PHRF1: variants seen among roughly 807,000 people sequenced by gnomAD.
PHRF1 encodes PHD and ring finger domains 1.
Under a neutral mutation model 128.9 loss-of-function variants are expected in PHRF1, and 53 were observed. The ratio of observed to expected loss-of-function variants is 0.41; its 90% CI spans 0.33 to 0.52. The LOEUF is 0.52. Ranked by LOEUF, PHRF1 falls within the 20% of genes least tolerant of loss-of-function variation. PHRF1 has a pLI of 0.21. For missense variants in PHRF1, 2,503 were observed against 2,284.5 expected, an observed-to-expected ratio of 1.10 and a Z score of -1.95; for synonymous variants, 1,178 against 980.6, an observed-to-expected ratio of 1.20 and a Z score of -3.76.
Position 607,524 on chromosome 11 carries a change from G to A in PHRF1, c.2068G>A (p.Gly690Ser), listed in dbSNP as rs757963125. ...PRIPKIRRDD[G>S]GGRRDAAPAH... is the part of the protein sequence containing the mutation. ...GATACCAAAGATCAGGAGAGATGAC[G>A]GTGGTGGCAGACGGGATGCGGCCCC... The change falls in exon 14 of 18, where the codon GGT becomes AGT. Residue 690 changes from glycine (G) to serine (S), a missense_variant. Coordinates refer to ENST00000264555, the MANE Select transcript of PHRF1 (RefSeq NM_001286581.2). 46 of 1,612,626 alleles carry A rather than the reference G, an allele frequency of 2.9e-5. No individual in the cohort carries two copies. The Admixed American group carries it at 4.5e-4, about 16-fold the overall frequency.
Position 582,374 on chromosome 11 carries a change from C to T in PHRF1, c.214+293C>T, listed in dbSNP as rs372698996. Among the ~76,000 whole-genome samples, 15 of 151,812 alleles carry T rather than the reference C, an allele frequency of 9.9e-5. No homozygotes were observed. The East Asian group carries it at 2.5e-3, about 25-fold the overall frequency. On this transcript the variant is annotated intron_variant, in intron 3 of 17. Coordinates refer to ENST00000264555, the MANE Select transcript of PHRF1 (RefSeq NM_001286581.2). ...CTGCCTCCCGGGTTCAAGTGATTCT[C>T]CTGGCTCAGCCTCGTGAGTAGCTGG...
At chr11:581,384 G>A in intron 1 of PHRF1, 108 bp from the exon 2 acceptor site, 8 of 843,134 alleles carry the variant, frequency 9.5e-6, no homozygotes, top group African/African-American at 1.7e-5. Context: ...GTGCTGTGGC[G>A]GTGGATGTGA....
At chr11:586,569 T>G (rs1179148284) in intron 3 of PHRF1, among the ~76,000 whole-genome samples, 2 of 152,204 alleles carry the variant, frequency 1.3e-5, no homozygotes, top group Non-Finnish European at 2.9e-5. Flanking sequence ...TGTGAACTTG[T>G]GTTCTGTTTA....
chr11:607,321 C>T lies in PHRF1; in HGVS notation c.1865C>T (p.Pro622Leu). The change falls in exon 14 of 18, where the codon CCT becomes CTT. Residue 622 changes from proline (P) to leucine (L), a missense_variant. Pro to Leu is a moderately conservative substitution (Grantham distance 98). Transcript: ENST00000264555. Reference protein sequence around the residue: ...QARNLSNGSVPGFRQSHSPWF... With the variant: ...QARNLSNGSVLGFRQSHSPWF... ...CGGAACTTGTCAAATGGGAGTGTGCCTGGCTTCAGACAGAGCCACAGCCCC... is the reference window on the plus strand; with the variant it reads ...CGGAACTTGTCAAATGGGAGTGTGCTTGGCTTCAGACAGAGCCACAGCCCC... 2 of 1,612,712 alleles carry T rather than the reference C, an allele frequency of 1.2e-6. No individual in the cohort carries two copies. The highest frequency in any genetic ancestry group is 1.7e-6 in the Non-Finnish European group (2 of 1,179,884).
chr11:610,601 G>A lies in PHRF1; in HGVS notation c.4517G>A (p.Ser1506Asn). The change falls in exon 16 of 18, where the codon AGC becomes AAC. Residue 1506 changes from serine to asparagine, a missense_variant. By Grantham distance (46) the Ser-to-Asn change is conservative. Transcript: ENST00000264555. ...ACGGTCCAGTTCATCCTTCAGGGGA[G>A]CCTGCCGCTAGTGGGCTGTGGGGCA... ...QPTVQFILQGSLPLVGCGAAQ... is the reference protein window; with the variant it reads ...QPTVQFILQGNLPLVGCGAAQ... 2 of 1,606,380 alleles carry A rather than the reference G, an allele frequency of 1.2e-6. No individual in the cohort carries two copies. The highest frequency in any genetic ancestry group is 1.7e-6 in the Non-Finnish European group (2 of 1,179,762).
At chr11:583,877 T>C (rs745781043) in intron 3 of PHRF1, among the ~76,000 whole-genome samples, 2 of 152,204 alleles carry the variant, frequency 1.3e-5, no homozygotes, top group Non-Finnish European at 2.9e-5. Context: ...GGTTGCTTCC[T>C]CAGAGGGAGG....
intron 4 of PHRF1, 100 bp from the exon 5 acceptor site, chr11:591,284 G>A (rs1854954362): frequency 9.4e-7 from 1 of 1,061,588 alleles, no homozygotes; most frequent in East Asian, 2.7e-5. Flanking sequence ...CCTGGCGCAT[G>A]GAGGCATTTA....
chr11:596,600 A>G (rs1390074685), intron 6 of PHRF1, among the ~76,000 whole-genome samples: 2 of 152,228 alleles, frequency 1.3e-5, no homozygotes, highest in Non-Finnish European at 2.9e-5. Flanking sequence ...TTTGGAAACT[A>G]GACATCTGAG....
At chr11:591,109 C>T (rs951599073) in intron 4 of PHRF1, among the ~76,000 whole-genome samples, 7 of 152,188 alleles carry the variant, frequency 4.6e-5, no homozygotes, top group East Asian at 1.9e-4. Flanking sequence ...TGCACAATGC[C>T]GCCCCCACGC....
Position 607,166 on chromosome 11 carries a change from C to A in PHRF1, c.1710C>A (p.Ala570=). The part of the protein sequence containing the change: ...QPRALPSGSP[A]QGPSGNRPQS... ...GAGCACTGCCCTCCGGGAGCCCGGC[C>A]CAAGGCCCGTCAGGAAACAGGCCAC... Residue 570 remains alanine (A), a synonymous_variant, in exon 14 of 18, where the codon GCC becomes GCA. Coordinates refer to ENST00000264555, the MANE Select transcript of PHRF1 (RefSeq NM_001286581.2). 2 of 1,612,838 alleles carry A rather than the reference C, an allele frequency of 1.2e-6. No homozygotes were observed. Among genetic ancestry groups the A allele is most frequent in the Non-Finnish European group, 1.7e-6 (2 of 1,179,790 alleles).
chr11:602,144 C>T (rs1404909016), intron 10 of PHRF1, among the ~76,000 whole-genome samples: 5 of 152,176 alleles, frequency 3.3e-5, no homozygotes, highest in Non-Finnish European at 7.3e-5. Flanking sequence ...GACCCATGTT[C>T]GCTGGGCCCT....
chr11:604,747 A>G (rs1021504958), intron 10 of PHRF1, among the ~76,000 whole-genome samples: 3 of 152,160 alleles, frequency 2.0e-5, no homozygotes, highest in African/African-American at 7.2e-5. Context: ...GCTGGCCTCA[A>G]ATGATCTGTC....
intron 1 of PHRF1, among the ~76,000 whole-genome samples, chr11:577,350 T>A (rs1439417616): frequency 6.6e-6 from 1 of 152,230 alleles, no homozygotes; most frequent in Non-Finnish European, 1.5e-5. Context: ...GTGCTTTACT[T>A]GTTTCGACAA....
intron 4 of PHRF1, among the ~76,000 whole-genome samples, chr11:590,291 C>T (rs1479855339): frequency 6.6e-6 from 1 of 152,212 alleles, no homozygotes; most frequent in African/African-American, 2.4e-5. Flanking sequence ...CCAAGAGAAA[C>T]AGGAGTGCGC....
At chr11:583,078 C>T (rs546657251) in intron 3 of PHRF1, among the ~76,000 whole-genome samples, 5 of 151,058 alleles carry the variant, frequency 3.3e-5, no homozygotes, top group South Asian at 2.1e-4. Flanking sequence ...CGGTGGCTCA[C>T]GCCTGTAATC....
intron 1 of PHRF1, among the ~76,000 whole-genome samples, chr11:577,643 G>T (rs921287005): frequency 2.6e-5 from 4 of 152,228 alleles, no homozygotes; most frequent in Non-Finnish European, 4.4e-5. Flanking sequence ...GACTTCCATT[G>T]CAGTTGACAA....
At chr11:594,779 A>G (rs537247716) in intron 6 of PHRF1, among the ~76,000 whole-genome samples, 1 of 152,336 alleles carries the variant, frequency 6.6e-6, no homozygotes, top group South Asian at 2.1e-4. Context: ...AGTACCTTCT[A>G]ACAAGGCTCT....
rs368961072 is a variant in PHRF1 at position 598,361 on chromosome 11, C to T, written c.895-12C>T. 1 of 1,605,814 alleles carries T rather than the reference C, an allele frequency of 6.2e-7. No individual in the cohort carries two copies. Among genetic ancestry groups the T allele is most frequent in the Non-Finnish European group, 8.5e-7 (1 of 1,179,134 alleles). The stretch of plus-strand genomic sequence containing the variant: ...CCAAGGGCATCTGACGGCACCACCC[C>T]TTTGCCTGTAGCACACACCAGGGCG... On this transcript the variant is annotated splice_polypyrimidine_tract_variant and intron_variant, in intron 8 of 17. Coordinates refer to ENST00000264555, the MANE Select transcript of PHRF1 (RefSeq NM_001286581.2).
chr11:586,860 G>A (rs943953881), intron 3 of PHRF1, among the ~76,000 whole-genome samples: 6 of 152,104 alleles, frequency 3.9e-5, no homozygotes, highest in Admixed American at 1.3e-4. Context: ...GGAAATGGGG[G>A]CTGCTGTCAG....
Sources: gnomAD v4.1 joint callset for allele counts (sites outside exome capture counted in the v4.1 genomes callset) on GRCh38, gnomAD v4.1.1 for gene constraint, MANE v1.5 for transcripts, NCBI Gene and HGNC (gene_info 2026-07-23, HGNC 2026-07-21) for gene names.